Variants in HDAC9 observed in about 807,000 individuals in gnomAD.
HDAC9 encodes histone deacetylase 9.
In HDAC9, 41 loss-of-function variants were observed where a neutral mutation model predicts 139.4. That is an observed-to-expected ratio of 0.29 (90% confidence interval 0.23 to 0.38). The LOEUF is 0.38. Among genes scored for constraint, HDAC9 ranks in the 10% least tolerant of loss-of-function variants. The probability of loss-of-function intolerance (pLI) is 1.00; values close to 1 mark genes in which losing one functional copy is unlikely to be tolerated. For missense variants in HDAC9, 1,147 were observed against 1,297.0 expected (o/e 0.88, Z 1.78); for synonymous variants, 517 against 476.2 (o/e 1.09, Z -1.12).
chr7:18,351,004 G>A (rs956174335), intron 1 of HDAC9, among the ~76,000 whole-genome samples: 26 of 152,272 alleles, frequency 1.7e-4, no homozygotes, highest in African/African-American at 6.3e-4. Context: ...CCCTGCCTAA[G>A]TTAAATGACT....
intron 1 of HDAC9, among the ~76,000 whole-genome samples, chr7:18,106,795 TCTC>T (rs1441776196): frequency 2.6e-5 from 4 of 152,090 alleles, no homozygotes; most frequent in African/African-American, 9.7e-5. Context: ...CCCACTCTCT[TCTC>T]CTCACATTCA....
chr7:18,532,592 A>G (rs952447929), intron 2 of HDAC9, among the ~76,000 whole-genome samples: 1 of 152,206 alleles, frequency 6.6e-6, no homozygotes, highest in Admixed American at 6.5e-5. Context: ...CTGTTCAGGC[A>G]TTAAACACCG....
At chr7:18,396,663 TCA>T (rs1277831387) in intron 1 of HDAC9, among the ~76,000 whole-genome samples, 2 of 152,144 alleles carry the variant, frequency 1.3e-5, no homozygotes, top group African/African-American at 4.8e-5. Context: ...CCCCTAAGTT[TCA>T]CACTCCTTTA....
chr7:18,558,150 C>T (rs1012764031), intron 2 of HDAC9, among the ~76,000 whole-genome samples: 2 of 152,084 alleles, frequency 1.3e-5, no homozygotes, highest in Non-Finnish European at 2.9e-5. Flanking sequence ...TGCAATCTGT[C>T]ATCTTCTCTG....
intron 1 of HDAC9, among the ~76,000 whole-genome samples, chr7:18,466,599 C>A (rs1393751763): frequency 1.3e-5 from 2 of 152,188 alleles, no homozygotes; most frequent in South Asian, 2.1e-4. Context: ...CTGACCGACT[C>A]CTCTGACTTC....
chr7:18,236,032 C>G (rs1793791095), intron 2 of HDAC9, among the ~76,000 whole-genome samples: 1 of 152,184 alleles, frequency 6.6e-6, no homozygotes, highest in African/African-American at 2.4e-5. Context: ...AGGTAGGGTA[C>G]TCCTTCCACC....
intron 25 of HDAC9, among the ~76,000 whole-genome samples, chr7:18,985,519 G>A (rs945543208): frequency 1.3e-4 from 20 of 152,084 alleles, no homozygotes; most frequent in Admixed American, 4.6e-4. Flanking sequence ...GAATAGTGCC[G>A]CAATAAACGT....
intron 2 of HDAC9, among the ~76,000 whole-genome samples, chr7:18,237,639 G>A (rs1793910855): frequency 6.6e-6 from 1 of 152,164 alleles, no homozygotes; most frequent in Non-Finnish European, 1.5e-5. Flanking sequence ...TATTTTGAAG[G>A]AAGAACGGAT....
intron 1 of HDAC9, among the ~76,000 whole-genome samples, chr7:18,482,845 T>C (rs1294237109): frequency 6.6e-6 from 1 of 152,188 alleles, no homozygotes; most frequent in East Asian, 1.9e-4. Flanking sequence ...GTGTGAACAC[T>C]GAAGGCCCTT....
At chr7:18,737,542 T>G (rs567795307) in intron 13 of HDAC9, among the ~76,000 whole-genome samples, 4 of 152,174 alleles carry the variant, frequency 2.6e-5, no homozygotes, top group Non-Finnish European at 4.4e-5. Context: ...AGTTGTCCAG[T>G]TTTGATTAGA....
intron 6 of HDAC9, among the ~76,000 whole-genome samples, chr7:18,628,138 G>A (rs1842180387): frequency 6.6e-6 from 1 of 152,084 alleles, no homozygotes; most frequent in Admixed American, 6.6e-5. Context: ...GATGATTAGT[G>A]GTGCTTTGGG....
intron 2 of HDAC9, among the ~76,000 whole-genome samples, chr7:18,559,436 T>C (rs972524952): frequency 6.6e-6 from 1 of 152,104 alleles, no homozygotes; most frequent in Non-Finnish European, 1.5e-5. Context: ...AACATATCAA[T>C]CTCTCTAAAT....
chr7:18,584,761 T>G (rs768999088), intron 2 of HDAC9, among the ~76,000 whole-genome samples: 21 of 152,354 alleles, frequency 1.4e-4, no homozygotes, highest in Non-Finnish European at 2.2e-4. Flanking sequence ...CAGTTGTCTA[T>G]TCTGTCTTTG....
chr7:19,001,526 A>T lies in HDAC9; in HGVS notation c.*5464A>T, dbSNP rs1786747249. ...TTGGCTATTGGTTTTATTAACTTAAAATTCAACAGAAATGGAGTAATTAAA... is the reference window on the plus strand; with the variant it reads ...TTGGCTATTGGTTTTATTAACTTAATATTCAACAGAAATGGAGTAATTAAA... On this transcript the variant is annotated 3_prime_UTR_variant, in exon 26 of 26. Coordinates refer to ENST00000686413, the MANE Select transcript of HDAC9 (RefSeq NM_178425.4). 1 of 145,510 alleles carries T rather than the reference A, an allele frequency of 6.9e-6. No individual in the cohort carries two copies. Among genetic ancestry groups the T allele is most frequent in the East Asian group, 2.0e-4 (1 of 4,990 alleles). 9.0% of individuals were successfully genotyped at this position (145,510 alleles called of 1,614,324 possible). A position where few individuals can be genotyped will look rare whatever the true frequency, so the allele number is the denominator to read the frequency against.
At chr7:18,296,005 A>G (rs576497242) in intron 1 of HDAC9, among the ~76,000 whole-genome samples, 1 of 152,294 alleles carries the variant, frequency 6.6e-6, no homozygotes, top group Non-Finnish European at 1.5e-5. Context: ...ATTTTTCTGC[A>G]GGAGAGTGGG....
chr7:18,314,261 A>G (rs970832269), intron 1 of HDAC9, among the ~76,000 whole-genome samples: 22 of 152,226 alleles, frequency 1.4e-4, no homozygotes, highest in Non-Finnish European at 4.4e-5. Flanking sequence ...TCTCCAGATC[A>G]TAGCCCAGCC....
intron 6 of HDAC9, among the ~76,000 whole-genome samples, chr7:18,607,744 T>G (rs183684385): frequency 2.0e-3 from 299 of 152,272 alleles, no homozygotes; most frequent in Non-Finnish European, 3.5e-3. Context: ...GACCAAATGA[T>G]TCCTAAGATT....
intron 1 of HDAC9, among the ~76,000 whole-genome samples, chr7:18,321,797 A>G (rs1800050609): frequency 6.6e-6 from 1 of 152,178 alleles, no homozygotes; most frequent in Admixed American, 6.6e-5. Context: ...ATAGAACCAT[A>G]TAAATGTTGT....
intron 13 of HDAC9, among the ~76,000 whole-genome samples, chr7:18,729,210 A>G (rs1785820019): frequency 6.6e-6 from 1 of 152,098 alleles, no homozygotes; most frequent in Non-Finnish European, 1.5e-5. Flanking sequence ...TTCAACCCTA[A>G]TATTTCAGAA....
Sources: gnomAD v4.1 joint callset for allele counts (sites outside exome capture counted in the v4.1 genomes callset) on GRCh38, gnomAD v4.1.1 for gene constraint, MANE v1.5 for transcripts, NCBI Gene and HGNC (gene_info 2026-07-23, HGNC 2026-07-21) for gene names.